The following PAFAH1B2 variants were observed in gnomAD, a reference collection of about 807,000 sequenced individuals.
PAFAH1B2 encodes platelet activating factor acetylhydrolase 1b catalytic subunit 2.
Under a neutral mutation model 28.0 loss-of-function variants are expected in PAFAH1B2, and 8 were observed. The ratio of observed to expected loss-of-function variants is 0.29; its 90% CI spans 0.17 to 0.52. PAFAH1B2 has a LOEUF of 0.52. Among genes scored for constraint, PAFAH1B2 ranks in the 20% least tolerant of loss-of-function variants. The pLI is 0.97. For missense variants in PAFAH1B2, 190 were observed against 282.6 expected, an observed-to-expected ratio of 0.67 and a Z score of 2.35; for synonymous variants, 104 against 103.2, an observed-to-expected ratio of 1.01 and a Z score of -0.05.
At chr11:117,159,391 C>CCTT (rs1453172801) in intron 2 of PAFAH1B2, 1 of 152,062 alleles carries the variant, frequency 6.6e-6, no homozygotes, top group Non-Finnish European at 1.5e-5. Flanking sequence ...TCTTTCTAGG[C>CCTT]CAAGAAGTCT....
At chr11:117,166,929 G>A (rs1956525053) in intron 5 of PAFAH1B2, among the ~76,000 whole-genome samples, 1 of 152,188 alleles carries the variant, frequency 6.6e-6, no homozygotes, top group Admixed American at 6.6e-5. Context: ...ATATAATCAG[G>A]ATGGAGACAA....
Position 117,144,344 on chromosome 11 carries a change from G to A in PAFAH1B2, c.-82G>A, listed in dbSNP as rs1446779756. 2.4e-6 allele frequency: 1 copy of A among 421,872 alleles called. No homozygotes were observed. Among genetic ancestry groups the A allele is most frequent in the Non-Finnish European group, 4.8e-6 (1 of 207,984 alleles). 26.1% of individuals were successfully genotyped at this position (421,872 alleles called of 1,614,324 possible). A position where few individuals can be genotyped will look rare whatever the true frequency, so the allele number is the denominator to read the frequency against. ...AGGGACGCGCCGGAGCGGGACCGAC[G>A]GGACCGAGCGAGCGACCGACGCGCC... On this transcript the variant is annotated 5_prime_UTR_variant, in exon 1 of 6. Transcript: ENST00000527958.
chr11:117,167,300 T>G lies in PAFAH1B2; in HGVS notation c.412-121T>G, dbSNP rs1053480638. ...ATTCAAAACAGTATTTTCCAATGTT[T>G]CACAACTCAAAGGTGTAGAAAGTGC... On this transcript the variant is annotated intron_variant, in intron 5 of 5. Coordinates refer to ENST00000527958, the MANE Select transcript of PAFAH1B2 (RefSeq NM_002572.4). The G allele has an allele frequency of 3.6e-5, 37 of 1,016,592 alleles. No homozygotes were observed. The South Asian group carries it at 7.9e-4, about 22-fold the overall frequency. The allele number at this position is 1,016,592 out of a possible 1,614,324, so 63.0% of individuals were successfully genotyped here. A position where few individuals can be genotyped will look rare whatever the true frequency, so the allele number is the denominator to read the frequency against.
rs1391372670 is a variant in PAFAH1B2 at position 117,167,559 on chromosome 11, G to A, written c.550G>A (p.Gly184Ser). The A allele has an allele frequency of 3.7e-6, 6 of 1,612,900 alleles. No individual in the cohort carries two copies. The highest frequency in any genetic ancestry group is 2.2e-5 in the East Asian group (1 of 44,866). The part of the protein sequence containing the change: ...DTDGGFVHSD[G>S]AISCHDMFDF... Reference sequence around the variant, plus strand: ...CGACGGGGGTTTTGTGCACTCGGACGGTGCCATCTCCTGCCACGACATGTT... The same window carrying A: ...CGACGGGGGTTTTGTGCACTCGGACAGTGCCATCTCCTGCCACGACATGTT... Residue 184 changes from glycine (G) to serine (S), a missense_variant, in exon 6 of 6, where the codon GGT becomes AGT. Coordinates refer to ENST00000527958, the MANE Select transcript of PAFAH1B2 (RefSeq NM_002572.4).
At chr11:117,164,771 C>T (rs1390284331) in intron 5 of PAFAH1B2, among the ~76,000 whole-genome samples, 1 of 151,534 alleles carries the variant, frequency 6.6e-6, no homozygotes, top group East Asian at 2.0e-4. Flanking sequence ...TGTGGTGGCT[C>T]ACGTCTGTAA....
chr11:117,145,968 A>G (rs907302008), intron 1 of PAFAH1B2, among the ~76,000 whole-genome samples: 1 of 152,180 alleles, frequency 6.6e-6, no homozygotes. Context: ...AAAGGCAGGA[A>G]AATCGTGCAA....
At position 117,168,384 on chromosome 11, in the gene PAFAH1B2, G is replaced by T. The variant is rs1463213762; in HGVS notation, c.*685G>T. ...TCATGTCTATAATAGACCCGTGCAT[G>T]CAGCCTTTCCTCCTTATTCCCCTTC... On this transcript the variant is annotated 3_prime_UTR_variant, in exon 6 of 6. Transcript: ENST00000527958. The T allele has an allele frequency of 1.7e-5, 18 of 1,047,294 alleles. No individual in the cohort carries two copies. The highest frequency in any genetic ancestry group is 1.7e-5 in the Non-Finnish European group (15 of 870,732). The allele number at this position is 1,047,294 out of a possible 1,614,324, so 64.9% of individuals were successfully genotyped here. A position where few individuals can be genotyped will look rare whatever the true frequency, so the allele number is the denominator to read the frequency against.
chr11:117,145,519 T>G (rs1323062023), intron 1 of PAFAH1B2, among the ~76,000 whole-genome samples: 1 of 152,186 alleles, frequency 6.6e-6, no homozygotes, highest in Non-Finnish European at 1.5e-5. Flanking sequence ...GGATGTGCCT[T>G]GTGTCTTTGG....
intron 4 of PAFAH1B2, among the ~76,000 whole-genome samples, chr11:117,162,793 A>C (rs891197518): frequency 5.3e-5 from 8 of 152,042 alleles, no homozygotes; most frequent in African/African-American, 1.9e-4. Flanking sequence ...AGTTGCATCC[A>C]GCCTCCACCT....
chr11:117,144,896 C>T (rs141583085), intron 1 of PAFAH1B2, among the ~76,000 whole-genome samples: 3 of 152,196 alleles, frequency 2.0e-5, no homozygotes, highest in South Asian at 2.1e-4. Flanking sequence ...TCTTCTCTCC[C>T]CTCGCGTCTG....
intron 5 of PAFAH1B2, among the ~76,000 whole-genome samples, chr11:117,165,590 A>G (rs1956488375): frequency 6.6e-6 from 1 of 152,218 alleles, no homozygotes; most frequent in South Asian, 2.1e-4. Flanking sequence ...ACAGCAACAC[A>G]GAATTATTAT....
chr11:117,160,775 A>G (rs1438896303), intron 3 of PAFAH1B2, among the ~76,000 whole-genome samples: 1 of 150,648 alleles, frequency 6.6e-6, no homozygotes, highest in Admixed American at 6.6e-5. Flanking sequence ...AATTTAAAAG[A>G]TAGCTTTTTT....
At chr11:117,175,471 G>GT, downstream of PAFAH1B2, 1 of 1,078,086 alleles carries the variant, frequency 9.3e-7, no homozygotes, top group Non-Finnish European at 1.1e-6. Flanking sequence ...TGTAGACGCA[G>GT]GGTCCTGACG....
chr11:117,160,078 TACTA>T, intron 3 of PAFAH1B2, 55 bp downstream of exon 3: 6 of 1,167,888 alleles, frequency 5.1e-6, no homozygotes, highest in Non-Finnish European at 7.8e-6. Flanking sequence ...ATCCATTCAT[TACTA>T]ACAGACTTTC....
At chr11:117,146,928 T>C (rs1956025043) in intron 1 of PAFAH1B2, among the ~76,000 whole-genome samples, 1 of 151,436 alleles carries the variant, frequency 6.6e-6, no homozygotes, top group Non-Finnish European at 1.5e-5. Context: ...ATTTCTCCAC[T>C]GTGCTTCAGT....
chr11:117,146,398 G>C (rs530420545), intron 1 of PAFAH1B2, among the ~76,000 whole-genome samples: 1 of 152,020 alleles, frequency 6.6e-6, no homozygotes, highest in African/African-American at 2.4e-5. Flanking sequence ...TCACTCAGAA[G>C]TTTGCGTCTT....
chr11:117,167,313 G>A (rs1956534939), intron 5 of PAFAH1B2, 108 bp from the exon 6 acceptor site: 3 of 1,096,168 alleles, frequency 2.7e-6, no homozygotes, highest in Middle Eastern at 4.1e-4. Context: ...CAACTCAAAG[G>A]TGTAGAAAGT....
intron 2 of PAFAH1B2, among the ~76,000 whole-genome samples, chr11:117,154,170 C>T (rs180782011): frequency 6.6e-6 from 1 of 152,032 alleles, no homozygotes; most frequent in East Asian, 1.9e-4. Flanking sequence ...CTTTCATGGA[C>T]ATCTGGATCA....
downstream of PAFAH1B2, among the ~76,000 whole-genome samples, chr11:117,173,346 CT>C (rs1399579170): frequency 2.0e-5 from 3 of 152,136 alleles, no homozygotes; most frequent in East Asian, 1.9e-4. Context: ...TCTTCCTGTT[CT>C]TTAGACAGTA....
Sources: gnomAD v4.1 joint callset for allele counts (sites outside exome capture counted in the v4.1 genomes callset) on GRCh38, gnomAD v4.1.1 for gene constraint, MANE v1.5 for transcripts, NCBI Gene and HGNC (gene_info 2026-07-23, HGNC 2026-07-21) for gene names.